TRPM3: variants seen among roughly 807,000 people sequenced by gnomAD.
TRPM3 encodes the protein long transient receptor potential channel 3.
A neutral mutation model predicts 181.2 loss-of-function variants in TRPM3; 77 were observed. The observed-to-expected ratio is 0.42, with a 90% CI of 0.35 to 0.51. The LOEUF (loss-of-function observed/expected upper bound fraction) is 0.51. Ranked by LOEUF, TRPM3 falls within the 20% of genes least tolerant of loss-of-function variation. The probability of loss-of-function intolerance (pLI) is 0.01; values close to 1 mark genes in which losing one functional copy is unlikely to be tolerated. For synonymous variants in TRPM3, 745 were observed against 796.4 expected, an observed-to-expected ratio of 0.94 and a Z score of 1.09; for missense variants, 1,759 against 2,196.7, an observed-to-expected ratio of 0.80 and a Z score of 3.98.
intron 5 of TRPM3, among the ~76,000 whole-genome samples, chr9:70,829,582 T>C (rs1356085458): frequency 1.3e-5 from 2 of 152,220 alleles, no homozygotes; most frequent in Non-Finnish European, 2.9e-5. Flanking sequence ...TAATGTAGTA[T>C]TGCTATAATG....
intron 1 of TRPM3, among the ~76,000 whole-genome samples, chr9:70,939,442 G>A (rs1034932360): frequency 4.6e-5 from 7 of 152,092 alleles, no homozygotes; most frequent in South Asian, 2.1e-4. Context: ...GCAGTACGGC[G>A]AATATTAGTC....
At chr9:71,391,459 ATT>A (rs2132950428) in intron 1 of TRPM3, among the ~76,000 whole-genome samples, 1 of 152,116 alleles carries the variant, frequency 6.6e-6, no homozygotes, top group African/African-American at 2.4e-5. Context: ...CAAAATAGTG[ATT>A]TTTCTATTTT....
intron 1 of TRPM3, among the ~76,000 whole-genome samples, chr9:71,291,116 T>C (rs1436901228): frequency 6.6e-6 from 1 of 152,204 alleles, no homozygotes; most frequent in Non-Finnish European, 1.5e-5. Context: ...TATTTGGAAT[T>C]GAGCTCCTGT....
At chr9:70,771,278 G>A (rs1200544737) in intron 7 of TRPM3, among the ~76,000 whole-genome samples, 1 of 152,158 alleles carries the variant, frequency 6.6e-6, no homozygotes, top group Non-Finnish European at 1.5e-5. Flanking sequence ...CGGTTTTAGA[G>A]CAACCATTCT....
chr9:71,362,407 G>C (rs2092186781), intron 1 of TRPM3, among the ~76,000 whole-genome samples: 1 of 152,178 alleles, frequency 6.6e-6, no homozygotes, highest in Non-Finnish European at 1.5e-5. Flanking sequence ...AGCAAGAAGG[G>C]TGTTGGTGCT....
intron 1 of TRPM3, among the ~76,000 whole-genome samples, chr9:70,870,132 G>A (rs3812530): frequency 0.27 from 40,993 of 151,732 alleles, 5,706 homozygotes; most frequent in East Asian, 0.4. Flanking sequence ...TCATTTTTCC[G>A]TAATCCTCTG....
At chr9:70,843,153 T>G (rs1407401163) in intron 4 of TRPM3, 26 bp from the exon 5 acceptor site, 2 of 1,594,374 alleles carry the variant, frequency 1.3e-6, no homozygotes, top group Non-Finnish European at 1.7e-6. Flanking sequence ...AAGCATTGAT[T>G]TTTTCTTTTA....
rs1267058590 is a variant in TRPM3, at chr9:70,616,095, A to G, written c.2359-20T>C. 4.0e-6 allele frequency: 6 copies of G among 1,496,020 alleles called. No homozygotes were observed. In the African/African-American group the frequency reaches 7.1e-5, roughly 18 times the overall value. 92.7% of individuals were successfully genotyped at this position (1,496,020 alleles called of 1,614,324 possible). A position where few individuals can be genotyped will look rare whatever the true frequency, so the allele number is the denominator to read the frequency against. The stretch of plus-strand genomic sequence containing the variant: ...AATTACCTAAAGTAATAATAATGAT[A>G]ATAATAATAATCACATTTAAAGGAT... On this transcript the variant is annotated intron_variant, in intron 17 of 25. Transcript: ENST00000677713.
At chr9:70,644,236 C>T (rs945464270) in intron 9 of TRPM3, among the ~76,000 whole-genome samples, 5 of 152,154 alleles carry the variant, frequency 3.3e-5, no homozygotes. Flanking sequence ...AGCATACTTT[C>T]AGATTGTAGA....
rs895158101 is a variant in TRPM3 at position 71,320,914 on chromosome 9, T to A, written c.183+125739A>T. On this transcript the variant is annotated intron_variant, in intron 1 of 24. Transcript: ENST00000357533. ...AGTGAATGATACATCCCGCTACCCA[T>A]GCATAGGGCCATCCTTGACATCGCT... 2.8e-4 allele frequency among the ~76,000 whole-genome samples: 43 copies of A among 152,102 alleles called. 2 individuals carry two copies. Among genetic ancestry groups the A allele is most frequent in the Admixed American group, 2.8e-3 (43 of 15,248 alleles).
In TRPM3 at chr9:70,625,415, A is replaced by C. The variant is rs2064387834; in HGVS notation, c.1668+67T>G. On this transcript the variant is annotated intron_variant, in intron 13 of 25. Transcript: ENST00000677713. This position sits in a 1 kb window ranked among gnomAD's most constrained non-coding sequence, Gnocchi z 4.8. Reference sequence around the variant, plus strand: ...ATTCTACTTCACGTATTCTGTAACTAGAGTAAAAAAAAAATAATGAAAAAA... The same window carrying C: ...ATTCTACTTCACGTATTCTGTAACTCGAGTAAAAAAAAAATAATGAAAAAA... 6.3e-6 allele frequency: 10 copies of C among 1,588,564 alleles called. 1 individual carries two copies. The South Asian group carries it at 8.1e-5, about 13-fold the overall frequency.
chr9:71,238,875 A>T (rs2081510063), intron 1 of TRPM3, among the ~76,000 whole-genome samples: 1 of 152,160 alleles, frequency 6.6e-6, no homozygotes. Flanking sequence ...TTAGTTTTGG[A>T]TAATACTTTT....
At chr9:70,767,028 CAG>C (rs1392021360) in intron 7 of TRPM3, among the ~76,000 whole-genome samples, 5 of 152,208 alleles carry the variant, frequency 3.3e-5, no homozygotes, top group African/African-American at 9.7e-5. Flanking sequence ...ATGCATTATT[CAG>C]AGAGTCCTAC....
At chr9:70,787,763 C>CTTTTTTTTTTTTTTTTTTTTTTTT in intron 6 of TRPM3, among the ~76,000 whole-genome samples, 2 of 68,558 alleles carry the variant, frequency 2.9e-5, no homozygotes, top group African/African-American at 5.8e-5. Flanking sequence ...TTTTTGGATT[C>CTTTTTTTTTTTTTTTTTTTTTTTT]TTTTTTTTTT....
intron 1 of TRPM3, among the ~76,000 whole-genome samples, chr9:70,892,025 G>A (rs1038320626): frequency 3.3e-5 from 5 of 152,126 alleles, no homozygotes; most frequent in African/African-American, 9.7e-5. Context: ...ACAGCAGGGT[G>A]AATACCTGGA....
intron 6 of TRPM3, among the ~76,000 whole-genome samples, chr9:70,784,673 T>A (rs73453879): frequency 0.024 from 3,660 of 152,272 alleles, 113 homozygotes; most frequent in African/African-American, 0.073. Flanking sequence ...CCAATGAGTC[T>A]GTTTCCTATA....
chr9:71,138,783 T>C (rs1276209581), intron 1 of TRPM3, among the ~76,000 whole-genome samples: 1 of 152,228 alleles, frequency 6.6e-6, no homozygotes, highest in East Asian at 1.9e-4. Flanking sequence ...TTTCTGTAAC[T>C]GGCTCTTTGA....
intron 7 of TRPM3, among the ~76,000 whole-genome samples, chr9:70,772,411 G>T (rs1408501268): frequency 1.3e-5 from 2 of 151,450 alleles, no homozygotes; most frequent in Non-Finnish European, 2.9e-5. Flanking sequence ...TCAACCTCCT[G>T]GGCTCAGGTG....
rs1012399321 is a variant in TRPM3, at chr9:70,608,192, G to C, written c.2667+2417C>G. ...AATCTTCCACCACGTGGCCCTGCCA[G>C]AGTCTCTGAGCCTACTCTGGCTTGG... On this transcript the variant is annotated intron_variant, in intron 19 of 25. Transcript: ENST00000677713. Among the ~76,000 whole-genome samples the C allele has an allele frequency of 9.2e-5, 14 of 152,286 alleles. No individual in the cohort carries two copies. The East Asian group carries it at 2.7e-3, about 29-fold the overall frequency.
Sources: allele counts gnomAD v4.1 joint callset (sites outside exome capture counted in the v4.1 genomes callset), GRCh38; gene constraint gnomAD v4.1.1; non-coding constraint Gnocchi (gnomAD v3.1); transcripts MANE v1.5; gene names NCBI Gene and HGNC (gene_info 2026-07-23, HGNC 2026-07-21).